OR51B5: variants seen among roughly 807,000 people sequenced by gnomAD.
The protein encoded by OR51B5 is olfactory receptor 51B5.
For synonymous variants in OR51B5, 186 were observed against 144.8 expected (o/e 1.28, Z -2.04); for missense variants, 456 against 374.6 (o/e 1.22, Z -1.79).
chr11:5,472,374 C>A (rs901880534), intron 1 of OR51B5, among the ~76,000 whole-genome samples: 6 of 152,170 alleles, frequency 3.9e-5, no homozygotes, highest in Admixed American at 2.6e-4. Flanking sequence ...ATGAGGTCCC[C>A]ACTTACCTCC....
At chr11:5,446,595 C>T (rs1498490) in intron 1 of OR51B5, among the ~76,000 whole-genome samples, 78,241 of 151,982 alleles carry the variant, frequency 0.51, 21,040 homozygotes, top group Non-Finnish European at 0.59. Flanking sequence ...ATAAATTTTA[C>T]GTATTTGACA....
rs1337572639 is a variant in OR51B5 at position 5,356,695 on chromosome 11, T to G, written n.85-9785A>C. 2.3e-4 allele frequency among the ~76,000 whole-genome samples: 28 copies of G among 124,088 alleles called. 6 individuals are homozygous for G. The highest frequency in any genetic ancestry group is 4.9e-4 in the Non-Finnish European group (27 of 55,476). The allele number at this position is 124,088 out of a possible 152,430, so 81.4% of individuals were successfully genotyped here. A position where few individuals can be genotyped will look rare whatever the true frequency, so the allele number is the denominator to read the frequency against. ...ATTGTCAGATTCACCAAAGTTGAAATGAAGGGAAAAATGTTAAGGGTAGCC... is the reference window on the plus strand; with the variant it reads ...ATTGTCAGATTCACCAAAGTTGAAAGGAAGGGAAAAATGTTAAGGGTAGCC... On this transcript the variant is annotated intron_variant and non_coding_transcript_variant, in intron 1 of 4. Transcript: ENST00000415970.
chr11:5,355,169 G>C (rs1392051462), intron 1 of OR51B5: 2 of 171,452 alleles, frequency 1.2e-5, no homozygotes, highest in Non-Finnish European at 1.3e-5. Flanking sequence ...CAGGAGGAAG[G>C]ATAGGAGCCT....
intron 1 of OR51B5, among the ~76,000 whole-genome samples, chr11:5,470,693 T>C (rs2133800895): frequency 6.6e-6 from 1 of 152,344 alleles, no homozygotes; most frequent in Non-Finnish European, 1.5e-5. Flanking sequence ...CACGTGGTCA[T>C]GCCAGAAAAC....
intron 1 of OR51B5, among the ~76,000 whole-genome samples, chr11:5,383,046 A>G (rs1424431263): frequency 6.6e-6 from 1 of 152,142 alleles, no homozygotes; most frequent in Non-Finnish European, 1.5e-5. Context: ...ACCTGATCAC[A>G]TTAACTCAGG....
chr11:5,479,431 G>C (rs926279930), intron 1 of OR51B5, among the ~76,000 whole-genome samples: 6 of 151,744 alleles, frequency 4.0e-5, no homozygotes, highest in Admixed American at 2.6e-4. Context: ...AGACCATTCA[G>C]ACTAGGAAGA....
chr11:5,503,270 A>T (rs1846323317), intron 1 of OR51B5, among the ~76,000 whole-genome samples: 1 of 152,230 alleles, frequency 6.6e-6, no homozygotes, highest in African/African-American at 2.4e-5. Context: ...CTGAAGTAAT[A>T]ACACAGCAAC....
chr11:5,385,681 C>G (rs1652972521), intron 1 of OR51B5, among the ~76,000 whole-genome samples: 3 of 145,026 alleles, frequency 2.1e-5, no homozygotes, highest in African/African-American at 7.8e-5. Flanking sequence ...CGTATAAATA[C>G]TACCTATAAT....
chr11:5,455,216 T>C (rs553201247), intron 1 of OR51B5: 2 of 152,274 alleles, frequency 1.3e-5, no homozygotes, highest in African/African-American at 2.4e-5. Context: ...ATCTGACTCA[T>C]AGAATTTTGG....
chr11:5,414,821 T>C (rs1850213030), intron 1 of OR51B5, among the ~76,000 whole-genome samples: 2 of 152,170 alleles, frequency 1.3e-5, no homozygotes, highest in African/African-American at 2.4e-5. Flanking sequence ...CACACTTTAA[T>C]AATGGGAGAC....
intron 1 of OR51B5, chr11:5,431,095 T>C (rs1850528127): frequency 2.3e-6 from 1 of 431,818 alleles, no homozygotes; most frequent in African/African-American, 2.0e-5. Flanking sequence ...AGTGTGGCAA[T>C]AGGGCAGTTG....
chr11:5,437,826 C>T (rs888549376), intron 1 of OR51B5, among the ~76,000 whole-genome samples: 2 of 152,124 alleles, frequency 1.3e-5, no homozygotes, highest in Non-Finnish European at 2.9e-5. Context: ...CATTTTACTT[C>T]TTGTTCATCT....
rs552548087 is a variant in OR51B5, at chr11:5,374,530, C to T, written n.85-27620G>A. Among the ~76,000 whole-genome samples the T allele has an allele frequency of 1.3e-3, 195 of 152,224 alleles. 1 individual carries two copies. Among genetic ancestry groups the T allele is most frequent in the African/African-American group, 4.6e-3 (190 of 41,538 alleles). ...AAGAAGACTTCAGACGATGAAACTA[C>T]TCCGAGCTACAGGAGGAAATTCAAA... On this transcript the variant is annotated intron_variant and non_coding_transcript_variant, in intron 1 of 4. Coordinates refer to the OR51B5 transcript ENST00000415970.
chr11:5,379,482 T>TA (rs1162452683), intron 1 of OR51B5, among the ~76,000 whole-genome samples: 22 of 141,668 alleles, frequency 1.6e-4, no homozygotes. Context: ...ATAAAATAAA[T>TA]AAAAAAATAA....
At chr11:5,489,544 C>T in intron 1 of OR51B5, 1 of 1,614,066 alleles carries the variant, frequency 6.2e-7, no homozygotes, top group Non-Finnish European at 8.5e-7. Flanking sequence ...GCACATCTTT[C>T]TGGCTAATCT....
Position 5,394,768 on chromosome 11 carries a change from G to A in OR51B5, n.85-47858C>T, listed in dbSNP as rs185855506. Among the ~76,000 whole-genome samples the A allele has an allele frequency of 5.1e-4, 78 of 152,280 alleles. No individual in the cohort carries two copies. The Middle Eastern group carries it at 0.02, about 40-fold the overall frequency. On this transcript the variant is annotated intron_variant and non_coding_transcript_variant, in intron 1 of 4. Transcript: ENST00000415970. ...GAAGCCTGTTTTTGCTTCATCAGGG[G>A]ACGTTAGTTTTTTTCACATCAACCT...
At chr11:5,497,079 A>T (rs867146634) in intron 1 of OR51B5, among the ~76,000 whole-genome samples, 25 of 152,078 alleles carry the variant, frequency 1.6e-4, no homozygotes, top group Middle Eastern at 3.4e-3. Flanking sequence ...AGAGGAAAGG[A>T]AAGAGAGGAG....
At chr11:5,401,380 C>A (rs1364479347) in intron 1 of OR51B5, among the ~76,000 whole-genome samples, 1 of 152,214 alleles carries the variant, frequency 6.6e-6, no homozygotes, top group Non-Finnish European at 1.5e-5. Flanking sequence ...GGTTCCTTCT[C>A]CTTCCTGAAT....
rs146917042 is a variant in OR51B5, at chr11:5,445,997, T to C, written n.84+59572A>G. On this transcript the variant is annotated intron_variant and non_coding_transcript_variant, in intron 1 of 4. Coordinates refer to the OR51B5 transcript ENST00000415970. ...GGAAACCATCATTCTCAGCAAACTA[T>C]CCCAAGGACAAAAAACCAAACACCG... 4.6e-3 allele frequency among the ~76,000 whole-genome samples: 698 copies of C among 151,854 alleles called. 4 individuals carry two copies. Among genetic ancestry groups the C allele is most frequent in the African/African-American group, 0.016 (678 of 41,376 alleles).
Sources: allele counts gnomAD v4.1 joint callset (sites outside exome capture counted in the v4.1 genomes callset), GRCh38; gene constraint gnomAD v4.1.1; transcripts MANE v1.5; gene names NCBI Gene and HGNC (gene_info 2026-07-23, HGNC 2026-07-21).